The following RSU1 variants were observed in gnomAD, a reference collection of about 807,000 sequenced individuals.
RSU1 encodes Ras suppressor protein 1.
A neutral mutation model predicts 31.1 loss-of-function variants in RSU1; 26 were observed. The observed-to-expected ratio is 0.84, with a 90% CI of 0.61 to 1.16. RSU1 has a LOEUF of 1.16. Among genes scored for constraint, RSU1 ranks in the 50% most tolerant of loss-of-function variants. The pLI is 0.00. For missense variants in RSU1, 320 were observed against 339.1 expected (o/e 0.94, Z 0.44); for synonymous variants, 164 against 136.3 (o/e 1.20, Z -1.41).
intron 7 of RSU1, among the ~76,000 whole-genome samples, chr10:16,709,627 T>C (rs1835977479): frequency 6.6e-6 from 1 of 152,186 alleles, no homozygotes; most frequent in African/African-American, 2.4e-5. Flanking sequence ...ATAAAAGTGT[T>C]CCTATTTTTC....
chr10:16,651,803 C>G (rs1015493654), intron 8 of RSU1, among the ~76,000 whole-genome samples: 1 of 151,996 alleles, frequency 6.6e-6, no homozygotes, highest in East Asian at 1.9e-4. Context: ...CCTAATGAAG[C>G]CTTTAAAAAA....
chr10:16,793,645 G>A (rs918416953), intron 2 of RSU1, among the ~76,000 whole-genome samples: 8 of 152,182 alleles, frequency 5.3e-5, no homozygotes, highest in African/African-American at 1.9e-4. Flanking sequence ...CCTAAGATAT[G>A]CAGTCACTGG....
At chr10:16,756,456 C>G (rs779956185) in intron 4 of RSU1, among the ~76,000 whole-genome samples, 4 of 152,152 alleles carry the variant, frequency 2.6e-5, no homozygotes, top group South Asian at 2.1e-4. Context: ...GACCGCAAAA[C>G]CAACCCTCCG....
intron 8 of RSU1, among the ~76,000 whole-genome samples, chr10:16,676,423 GAAC>G (rs1228076178): frequency 2.6e-5 from 4 of 152,026 alleles, no homozygotes; most frequent in Non-Finnish European, 5.9e-5. Flanking sequence ...ACTATCACAA[GAAC>G]AACATGAGAA....
At chr10:16,632,751 C>A (rs1834275741) in intron 8 of RSU1, among the ~76,000 whole-genome samples, 1 of 151,962 alleles carries the variant, frequency 6.6e-6, no homozygotes, top group African/African-American at 2.4e-5. Context: ...CCAGACTGAG[C>A]AACATGGCAA....
intron 2 of RSU1, among the ~76,000 whole-genome samples, chr10:16,815,804 G>A (rs528608969): frequency 3.9e-5 from 6 of 152,192 alleles, no homozygotes; most frequent in Non-Finnish European, 5.9e-5. Context: ...TACACAGGTG[G>A]TGATGTCTAA....
chr10:16,777,057 C>T (rs1837549138), intron 3 of RSU1, among the ~76,000 whole-genome samples: 1 of 151,702 alleles, frequency 6.6e-6, no homozygotes, highest in Non-Finnish European at 1.5e-5. Flanking sequence ...CACTTAAAAA[C>T]GTAATGCCCA....
At position 16,713,234 on chromosome 10, in the gene RSU1, C is replaced by T. The variant is rs539460705; in HGVS notation, c.599-18079G>A. On this transcript the variant is annotated intron_variant, in intron 7 of 8. Transcript: ENST00000345264. ...TCTGAACTTGCTGAATTCCTATGTC[C>T]GTATTTCTGCCAAGACTAGGGAAGT... Among the ~76,000 whole-genome samples the T allele has an allele frequency of 5.3e-5, 8 of 152,216 alleles. No homozygotes were observed. The South Asian group carries it at 6.2e-4, about 12-fold the overall frequency.
At chr10:16,667,974 G>A (rs1835030674) in intron 8 of RSU1, among the ~76,000 whole-genome samples, 1 of 152,162 alleles carries the variant, frequency 6.6e-6, no homozygotes, top group Admixed American at 6.5e-5. Context: ...ATAAATATAT[G>A]AGAACAATAA....
chr10:16,729,647 C>T lies in RSU1; in HGVS notation c.598+22892G>A, dbSNP rs1033506360. 2.6e-5 allele frequency among the ~76,000 whole-genome samples: 4 copies of T among 152,326 alleles called. No individual in the cohort carries two copies. In the East Asian group the frequency reaches 5.8e-4, roughly 22 times the overall value. ...CAGTCAAAACATAAAGATACTATCA[C>T]TCTCAGAAGGCTCTGCACTAGGATT... On this transcript the variant is annotated intron_variant, in intron 7 of 8. Coordinates refer to ENST00000345264, the MANE Select transcript of RSU1 (RefSeq NM_012425.4).
intron 8 of RSU1, among the ~76,000 whole-genome samples, chr10:16,650,595 T>G (rs954866821): frequency 8.0e-6 from 1 of 125,308 alleles, no homozygotes; most frequent in Non-Finnish European, 1.7e-5. Flanking sequence ...TTTTTTTTTT[T>G]GTGAGACAGA....
chr10:16,657,436 C>G (rs543247714), intron 8 of RSU1, among the ~76,000 whole-genome samples: 23 of 149,554 alleles, frequency 1.5e-4, no homozygotes, highest in Non-Finnish European at 3.4e-4. Context: ...ATTTAAAGAA[C>G]AAGGCAATAT....
chr10:16,773,041 T>C (rs1588525340), intron 3 of RSU1, among the ~76,000 whole-genome samples: 2 of 151,832 alleles, frequency 1.3e-5, no homozygotes, highest in South Asian at 4.1e-4. Flanking sequence ...ACCCCACCTC[T>C]ACAAAAAAAT....
At chr10:16,748,194 A>C (rs540534935) in intron 7 of RSU1, 4 of 152,288 alleles carry the variant, frequency 2.6e-5, no homozygotes, top group South Asian at 2.1e-4. Context: ...CAAGTCCAAA[A>C]ACTGGATTTT....
intron 7 of RSU1, among the ~76,000 whole-genome samples, chr10:16,697,987 CTTT>C (rs67816326): frequency 0.022 from 2,119 of 98,276 alleles, 1 homozygote; most frequent in Non-Finnish European, 0.029. Context: ...AGGAACACAC[CTTT>C]TTTTTTTTTT....
chr10:16,672,815 T>C (rs7898317), intron 8 of RSU1, among the ~76,000 whole-genome samples: 6,056 of 152,288 alleles, frequency 0.04, 352 homozygotes, highest in African/African-American at 0.13. Flanking sequence ...CTTAAGTTGA[T>C]TGTTTTACAG....
chr10:16,813,446 G>C lies in RSU1; in HGVS notation c.109+3527C>G, dbSNP rs185710596. Among the ~76,000 whole-genome samples, 428 of 152,284 alleles carry C rather than the reference G, an allele frequency of 2.8e-3. 3 individuals carry two copies. Among genetic ancestry groups the C allele is most frequent in the Non-Finnish European group, 5.4e-3 (366 of 68,016 alleles). ...CTATGTTGGAACTGGGTATGTCTGA[G>C]ACATATGGGTCTATAGCTGGATATT... On this transcript the variant is annotated intron_variant, in intron 2 of 8. Coordinates refer to ENST00000345264, the MANE Select transcript of RSU1 (RefSeq NM_012425.4).
chr10:16,592,409 TAAAC>T lies in RSU1; in HGVS notation c.*981_*984del, dbSNP rs1215787979. 3 of 152,340 alleles carry T rather than the reference TAAAC, an allele frequency of 2.0e-5. No individual in the cohort carries two copies. Among genetic ancestry groups the T allele is most frequent in the East Asian group, 3.9e-4 (2 of 5,194 alleles). 9.4% of individuals were successfully genotyped at this position (152,340 alleles called of 1,614,324 possible). ...AAGGAAAGCTGCCTATCACAGATGTTAAACAAACAATTGATTGTTTAATGACTCT... is the reference window on the plus strand; with the variant it reads ...AAGGAAAGCTGCCTATCACAGATGTTAAACAATTGATTGTTTAATGACTCT... On this transcript the variant is annotated 3_prime_UTR_variant, in exon 9 of 9. Transcript: ENST00000345264.
At chr10:16,786,337 T>G (rs1837791822) in intron 2 of RSU1, among the ~76,000 whole-genome samples, 1 of 152,164 alleles carries the variant, frequency 6.6e-6, no homozygotes, top group African/African-American at 2.4e-5. Context: ...CCAGTATGAG[T>G]CCATCCAAGC....
Sources: gnomAD v4.1 joint callset for allele counts (sites outside exome capture counted in the v4.1 genomes callset) on GRCh38, gnomAD v4.1.1 for gene constraint, MANE v1.5 for transcripts, NCBI Gene and HGNC (gene_info 2026-07-23, HGNC 2026-07-21) for gene names.